The following CNOT2 variants were observed in gnomAD, a reference collection of about 807,000 sequenced individuals.
CNOT2 encodes CC chemokine receptor 4-negative regulator of transcription 2.
Under a neutral mutation model 72.1 loss-of-function variants are expected in CNOT2, and 7 were observed. That is an observed-to-expected ratio of 0.10 (90% CI 0.06 to 0.18). The LOEUF is 0.18. Among genes scored for constraint, CNOT2 ranks in the 10% least tolerant of loss-of-function variants. The pLI is 1.00. For synonymous variants in CNOT2, 196 were observed against 225.6 expected (o/e 0.87, Z 1.17); for missense variants, 345 against 660.3 (o/e 0.52, Z 5.23).
chr12:70,305,873 GTTTTTT>G (rs11412509), intron 2 of CNOT2, among the ~76,000 whole-genome samples: 82 of 60,114 alleles, frequency 1.4e-3, no homozygotes, highest in East Asian at 1.4e-3. Flanking sequence ...TCTGAAGTTT[GTTTTTT>G]TTTTTTTTTT....
chr12:70,281,157 T>C (rs76536578), intron 2 of CNOT2, among the ~76,000 whole-genome samples: 11,651 of 151,058 alleles, frequency 0.077, 561 homozygotes, highest in Admixed American at 0.15. Flanking sequence ...AGTGGTGCGC[T>C]CACTGCAACC....
At chr12:70,290,752 G>A (rs981181548) in intron 2 of CNOT2, 12 of 151,844 alleles carry the variant, frequency 7.9e-5, no homozygotes, top group Non-Finnish European at 1.6e-4. Context: ...ATGTTGCCCA[G>A]GCTTGTCAAG....
chr12:70,335,859 T>G, intron 8 of CNOT2: 3 of 207,256 alleles, frequency 1.4e-5, no homozygotes, highest in Non-Finnish European at 2.9e-5. Context: ...CCTTAAGTGT[T>G]TTATTTTGTG....
At chr12:70,353,391 A>G (rs1029079110) in intron 15 of CNOT2, among the ~76,000 whole-genome samples, 1 of 152,124 alleles carries the variant, frequency 6.6e-6, no homozygotes, top group Non-Finnish European at 1.5e-5. Context: ...ATTTTTTAAT[A>G]TAAATGTAAT....
intron 15 of CNOT2, among the ~76,000 whole-genome samples, chr12:70,352,207 C>G (rs1194584253): frequency 6.6e-6 from 1 of 151,762 alleles, no homozygotes; most frequent in South Asian, 2.1e-4. Flanking sequence ...CACATGGAGG[C>G]TTTTTGTCAC....
rs151191233 is a variant in CNOT2 at position 70,336,668 on chromosome 12, T to C, written c.776-721T>C. Reference sequence around the variant, plus strand: ...AAAAAAAAATGATCTGCCCTGGAAGTTGAGTACCTAGCTACTTGATTCTCA... The same window carrying C: ...AAAAAAAAATGATCTGCCCTGGAAGCTGAGTACCTAGCTACTTGATTCTCA... On this transcript the variant is annotated intron_variant, in intron 8 of 15. Coordinates refer to ENST00000229195, the MANE Select transcript of CNOT2 (RefSeq NM_014515.7). The C allele has an allele frequency of 9.9e-5, 15 of 152,208 alleles. No homozygotes were observed. In the East Asian group the frequency reaches 2.7e-3, roughly 28 times the overall value. 9.4% of individuals were successfully genotyped at this position (152,208 alleles called of 1,614,324 possible).
At chr12:70,297,448 C>A (rs1873005312) in intron 2 of CNOT2, among the ~76,000 whole-genome samples, 1 of 152,156 alleles carries the variant, frequency 6.6e-6, no homozygotes, top group South Asian at 2.1e-4. Context: ...AGTAAAACTC[C>A]TCCCTACATT....
intron 4 of CNOT2, among the ~76,000 whole-genome samples, chr12:70,327,067 G>A (rs1344170743): frequency 6.6e-6 from 1 of 151,786 alleles, no homozygotes; most frequent in Non-Finnish European, 1.5e-5. Context: ...ATACAGCATA[G>A]AATAATATGT....
intron 15 of CNOT2, among the ~76,000 whole-genome samples, chr12:70,349,442 T>C (rs1193047324): frequency 6.6e-6 from 1 of 152,196 alleles, no homozygotes; most frequent in Admixed American, 6.5e-5. Context: ...ATAGCTGATA[T>C]TATGGTGTTC....
chr12:70,252,619 A>G (rs1958197076), intron 1 of CNOT2, among the ~76,000 whole-genome samples: 1 of 152,200 alleles, frequency 6.6e-6, no homozygotes, highest in Non-Finnish European at 1.5e-5. Flanking sequence ...ATCTGCTATT[A>G]AAGAGAGTTA....
chr12:70,247,077 C>A (rs1437363333), intron 1 of CNOT2, among the ~76,000 whole-genome samples: 2 of 151,866 alleles, frequency 1.3e-5, no homozygotes, highest in African/African-American at 4.8e-5. Flanking sequence ...TTTGTATATG[C>A]GTAGACTCAG....
At chr12:70,328,901 AAC>A (rs1332457394) in intron 4 of CNOT2, among the ~76,000 whole-genome samples, 1 of 151,878 alleles carries the variant, frequency 6.6e-6, no homozygotes, top group Non-Finnish European at 1.5e-5. Flanking sequence ...GGTTTGTAAA[AAC>A]AGTAATGTTG....
At chr12:70,278,952 T>C (rs1161756704) in intron 2 of CNOT2, among the ~76,000 whole-genome samples, 1 of 152,218 alleles carries the variant, frequency 6.6e-6, no homozygotes, top group Non-Finnish European at 1.5e-5. Flanking sequence ...ACCAACATAT[T>C]TGAATTTAGT....
intron 2 of CNOT2, among the ~76,000 whole-genome samples, chr12:70,308,424 T>C (rs573494460): frequency 6.6e-6 from 1 of 152,270 alleles, no homozygotes; most frequent in East Asian, 1.9e-4. Context: ...TCTGTCTTTC[T>C]CTCTGTCTCA....
chr12:70,255,638 A>G (rs1458999803), intron 1 of CNOT2, among the ~76,000 whole-genome samples: 1 of 152,182 alleles, frequency 6.6e-6, no homozygotes, highest in Non-Finnish European at 1.5e-5. Flanking sequence ...GCTGACATTA[A>G]GTATTTGTTG....
chr12:70,339,066 A>ATGTGTGTGTGTGTG (rs1358955412), intron 11 of CNOT2, among the ~76,000 whole-genome samples: 2 of 134,680 alleles, frequency 1.5e-5, no homozygotes, highest in African/African-American at 6.2e-5. Flanking sequence ...GCATGTATAT[A>ATGTGTGTGTGTGTG]TGTGTGTGTG....
At chr12:70,306,246 C>T (rs1875363208) in intron 2 of CNOT2, among the ~76,000 whole-genome samples, 1 of 152,140 alleles carries the variant, frequency 6.6e-6, no homozygotes, top group Non-Finnish European at 1.5e-5. Context: ...ACCTCCACCT[C>T]CTGGGTTCAA....
At chr12:70,330,560 C>A in intron 6 of CNOT2, 91 bp downstream of exon 6, 1 of 778,154 alleles carries the variant, frequency 1.3e-6, no homozygotes, top group South Asian at 2.2e-5. Flanking sequence ...TGAGGTGTGG[C>A]TTCTCTCTAA....
chr12:70,319,944 C>T (rs953264256), intron 4 of CNOT2, among the ~76,000 whole-genome samples: 6 of 151,696 alleles, frequency 4.0e-5, no homozygotes, highest in African/African-American at 9.6e-5. Context: ...ACTTTTAAAG[C>T]GCTTAGCACA....
Sources: allele counts gnomAD v4.1 joint callset (sites outside exome capture counted in the v4.1 genomes callset), GRCh38; gene constraint gnomAD v4.1.1; transcripts MANE v1.5; gene names NCBI Gene and HGNC (gene_info 2026-07-23, HGNC 2026-07-21).